Variants in MICU2 observed in about 807,000 individuals in gnomAD.
The protein encoded by MICU2 is mitochondrial calcium uptake 2, also known as calcium uptake protein 2, mitochondrial.
In MICU2, 64 loss-of-function variants were observed where a neutral mutation model predicts 60.4. That is an observed-to-expected ratio of 1.06 (90% CI 0.87 to 1.31). The LOEUF (loss-of-function observed/expected upper bound fraction) is 1.31. MICU2 is among the 50% of genes most tolerant of loss of function. MICU2 has a pLI of 0.00. For synonymous variants in MICU2, 201 were observed against 175.0 expected (o/e 1.15, Z -1.17); for missense variants, 569 against 531.0 (o/e 1.07, Z -0.70).
intron 6 of MICU2, among the ~76,000 whole-genome samples, chr13:21,518,406 C>T (rs1387119952): frequency 6.6e-6 from 1 of 152,130 alleles, no homozygotes; most frequent in East Asian, 1.9e-4. Context: ...CTAAACATTA[C>T]CACAGTGCAT....
At chr13:21,559,124 G>A (rs918560118) in intron 2 of MICU2, among the ~76,000 whole-genome samples, 2 of 152,206 alleles carry the variant, frequency 1.3e-5, no homozygotes, top group East Asian at 1.9e-4. Context: ...TGTGCTATAC[G>A]ACTCCAAGAC....
chr13:21,532,185 A>T (rs112870189), intron 4 of MICU2, among the ~76,000 whole-genome samples: 1 of 152,244 alleles, frequency 6.6e-6, no homozygotes, highest in African/African-American at 2.4e-5. Context: ...CTATCTGAAG[A>T]GTCAAAACTA....
At chr13:21,575,503 C>CTG (rs1300479042) in intron 1 of MICU2, among the ~76,000 whole-genome samples, 1 of 151,010 alleles carries the variant, frequency 6.6e-6, no homozygotes. Context: ...TGGGAGGATC[C>CTG]CTTGAGCCCA....
At position 21,513,696 on chromosome 13, in the gene MICU2, C is replaced by T. The variant is rs150166684; in HGVS notation, c.663+657G>A. Among the ~76,000 whole-genome samples, 876 of 125,794 alleles carry T rather than the reference C, an allele frequency of 7.0e-3. 9 individuals carry two copies. Among genetic ancestry groups the T allele is most frequent in the African/African-American group, 0.024 (827 of 34,836 alleles). 82.5% of individuals were successfully genotyped at this position (125,794 alleles called of 152,430 possible). A position where few individuals can be genotyped will look rare whatever the true frequency, so the allele number is the denominator to read the frequency against. ...TGGAGGTTGCAGTGAGCTGAGATCG[C>T]GCCACTGCACTCTAACCTGGGAGAC... On this transcript the variant is annotated intron_variant, in intron 7 of 11. Transcript: ENST00000382374.
At chr13:21,566,715 A>G (rs746972133) in intron 2 of MICU2, 82 bp downstream of exon 2, 187 of 1,156,282 alleles carry the variant, frequency 1.6e-4, no homozygotes, top group Admixed American at 3.1e-4. Flanking sequence ...AATGAAGAAA[A>G]GCTGTTATCA....
intron 1 of MICU2, among the ~76,000 whole-genome samples, chr13:21,581,798 T>C (rs1888353780): frequency 6.6e-6 from 1 of 152,140 alleles, no homozygotes; most frequent in African/African-American, 2.4e-5. Context: ...GTAAAATCTA[T>C]TAATTCCAGG....
intron 8 of MICU2, among the ~76,000 whole-genome samples, chr13:21,504,916 T>C (rs1472203870): frequency 6.6e-6 from 1 of 152,194 alleles, no homozygotes; most frequent in African/African-American, 2.4e-5. Context: ...ACATATTTAC[T>C]AGCACACCAC....
chr13:21,499,719 G>A (rs1165479967), intron 9 of MICU2, among the ~76,000 whole-genome samples: 5 of 150,622 alleles, frequency 3.3e-5, no homozygotes, highest in Admixed American at 6.6e-5. Flanking sequence ...TGGGTCTCAC[G>A]TTTCTGTACA....
chr13:21,536,559 C>T (rs1593332042), intron 4 of MICU2, among the ~76,000 whole-genome samples: 1 of 152,172 alleles, frequency 6.6e-6, no homozygotes, highest in East Asian at 1.9e-4. Flanking sequence ...TCTTGAACTC[C>T]TGGGCTCAAG....
At chr13:21,494,851 ATTTC>A (rs759848308) in intron 11 of MICU2, among the ~76,000 whole-genome samples, 81 of 152,208 alleles carry the variant, frequency 5.3e-4, no homozygotes, top group Non-Finnish European at 1.0e-3. Context: ...CTGAATAGTA[ATTTC>A]TTTTTTAAAA....
At chr13:21,563,781 A>T (rs1046405092) in intron 2 of MICU2, among the ~76,000 whole-genome samples, 1 of 149,634 alleles carries the variant, frequency 6.7e-6, no homozygotes, top group Non-Finnish European at 1.5e-5. Flanking sequence ...TTTCTCAGCC[A>T]GGTCCGTTAC....
chr13:21,534,663 A>AT, intron 4 of MICU2, among the ~76,000 whole-genome samples: 1 of 152,368 alleles, frequency 6.6e-6, no homozygotes, highest in South Asian at 2.1e-4. Context: ...ATAGATCAGG[A>AT]TAATTTGTAA....
intron 2 of MICU2, among the ~76,000 whole-genome samples, chr13:21,552,407 T>C (rs911652874): frequency 5.9e-5 from 9 of 152,196 alleles, no homozygotes; most frequent in African/African-American, 2.2e-4. Context: ...GTAGTTTCTT[T>C]TGCTGTGCAG....
chr13:21,569,184 T>C (rs952425756), intron 1 of MICU2, among the ~76,000 whole-genome samples: 1 of 152,144 alleles, frequency 6.6e-6, no homozygotes, highest in Non-Finnish European at 1.5e-5. Flanking sequence ...ACCTCTGAAT[T>C]TGTCCGACTG....
At chr13:21,533,356 C>G (rs184389766) in intron 4 of MICU2, among the ~76,000 whole-genome samples, 1 of 144,738 alleles carries the variant, frequency 6.9e-6, no homozygotes, top group East Asian at 2.1e-4. Flanking sequence ...CAGAGTCTTG[C>G]TCTGTCTCCC....
At chr13:21,570,451 A>C (rs1888081959) in intron 1 of MICU2, among the ~76,000 whole-genome samples, 1 of 152,200 alleles carries the variant, frequency 6.6e-6, no homozygotes, top group African/African-American at 2.4e-5. Context: ...CTTCATTTTT[A>C]TAATAATTCT....
At chr13:21,499,241 G>C (rs1399051987) in intron 9 of MICU2, among the ~76,000 whole-genome samples, 3 of 152,006 alleles carry the variant, frequency 2.0e-5, no homozygotes, top group African/African-American at 7.2e-5. Context: ...GGGAGCCATA[G>C]GCCCGGCCTG....
intron 9 of MICU2, among the ~76,000 whole-genome samples, chr13:21,496,874 T>C (rs566277034): frequency 6.6e-6 from 1 of 151,574 alleles, no homozygotes. Context: ...GCTAACACCA[T>C]GAAATCCCTT....
intron 1 of MICU2, among the ~76,000 whole-genome samples, chr13:21,568,535 G>C (rs1464273294): frequency 6.6e-6 from 1 of 152,064 alleles, no homozygotes; most frequent in African/African-American, 2.4e-5. Flanking sequence ...GATACTTTCT[G>C]AACATTTTAA....
Sources: gnomAD v4.1 joint callset for allele counts (sites outside exome capture counted in the v4.1 genomes callset) on GRCh38, gnomAD v4.1.1 for gene constraint, MANE v1.5 for transcripts, NCBI Gene and HGNC (gene_info 2026-07-23, HGNC 2026-07-21) for gene names.